MEI1: variants seen among roughly 807,000 people sequenced by gnomAD.
MEI1 encodes meiotic double-stranded break formation protein 1, also known as meiosis inhibitor protein 1.
A neutral mutation model predicts 146.2 loss-of-function variants in MEI1; 103 were observed. That is an observed-to-expected ratio of 0.70 (90% CI 0.60 to 0.83). The LOEUF (loss-of-function observed/expected upper bound fraction) is 0.83, where lower values mean the gene tolerates loss of function less well. MEI1 is among the 40% of genes least tolerant of loss of function. The pLI is 0.00. For synonymous variants in MEI1, 652 were observed against 628.2 expected (o/e 1.04, Z -0.57); for missense variants, 1,529 against 1,533.0 (o/e 1.00, Z 0.04).
intron 3 of MEI1, among the ~76,000 whole-genome samples, chr22:41,708,334 G>A (rs145740470): frequency 6.6e-6 from 1 of 151,656 alleles, no homozygotes; most frequent in Non-Finnish European, 1.5e-5. Context: ...TGCCTTCAAC[G>A]AGGGTCTCAA....
chr22:41,763,068 ATT>A (rs2074603368), intron 18 of MEI1, 104 bp from the exon 19 acceptor site: 1 of 1,259,322 alleles, frequency 7.9e-7, no homozygotes, highest in Non-Finnish European at 1.1e-6. Flanking sequence ...CTGTGGGCAT[ATT>A]GGGGCAGGAC....
chr22:41,721,881 C>G (rs572150947), intron 6 of MEI1, among the ~76,000 whole-genome samples: 8 of 150,374 alleles, frequency 5.3e-5, no homozygotes, highest in African/African-American at 2.0e-4. Flanking sequence ...CTACCATGCC[C>G]GACTAATTTT....
chr22:41,769,593 C>T (rs1049785629), intron 19 of MEI1, among the ~76,000 whole-genome samples: 4 of 151,914 alleles, frequency 2.6e-5, no homozygotes, highest in Non-Finnish European at 4.4e-5. Context: ...CTGCCTCAGC[C>T]TCCCAAGTAG....
chr22:41,734,293 C>T (rs1300123370), intron 11 of MEI1, among the ~76,000 whole-genome samples: 1 of 151,360 alleles, frequency 6.6e-6, no homozygotes, highest in African/African-American at 2.4e-5. Flanking sequence ...GACGACTATG[C>T]AATGTCAATG....
At chr22:41,718,331 G>T in intron 6 of MEI1, 57 bp downstream of exon 6, 1 of 1,542,818 alleles carries the variant, frequency 6.5e-7, no homozygotes, top group South Asian at 1.2e-5. Flanking sequence ...TTTGCTAGAA[G>T]ACTTGAGATA....
chr22:41,740,089 G>A lies in MEI1; in HGVS notation c.1332-2991G>A, dbSNP rs117552256. Among the ~76,000 whole-genome samples the A allele has an allele frequency of 1.2e-3, 187 of 151,924 alleles. 3 individuals carry two copies. The East Asian group carries it at 0.032, about 26-fold the overall frequency. ...GGCTGGAGTTCAGTGGCTCGATCTCGGTTCACCACAACCTCCACCTCCCAG... is the reference window on the plus strand; with the variant it reads ...GGCTGGAGTTCAGTGGCTCGATCTCAGTTCACCACAACCTCCACCTCCCAG... On this transcript the variant is annotated intron_variant, in intron 11 of 30. Transcript: ENST00000401548.
In MEI1 at chr22:41,703,395, T is replaced by A; in HGVS notation, c.239T>A (p.Val80Asp). 1.2e-6 allele frequency: 2 copies of A among 1,610,618 alleles called. No individual in the cohort carries two copies. The highest frequency in any genetic ancestry group is 1.7e-6 in the Non-Finnish European group (2 of 1,178,398). The change falls in exon 2 of 31, where the codon GTC becomes GAC. Residue 80 changes from valine to aspartate, a missense_variant. Val to Asp is a radical substitution (Grantham distance 152). Coordinates refer to ENST00000401548, the MANE Select transcript of MEI1 (RefSeq NM_152513.4). ...GCCCTTGTGAGGCATACCTCCCTGG[T>A]CACGCAACTGGTGTCTCAGGATCAG... is the stretch of plus-strand genomic sequence containing the variant. Reference protein sequence around the residue: ...QDALVRHTSLVTQLVSQDQRV... With the variant: ...QDALVRHTSLDTQLVSQDQRV...
chr22:41,779,313 C>T (rs566163688), intron 22 of MEI1, among the ~76,000 whole-genome samples: 27 of 152,102 alleles, frequency 1.8e-4, no homozygotes, highest in Non-Finnish European at 3.4e-4. Context: ...AGCTGTGTGT[C>T]GTGATGCAGA....
chr22:41,758,619 G>A lies in MEI1; in HGVS notation c.2120+86G>A, dbSNP rs960156641. 37 of 1,377,998 alleles carry A rather than the reference G, an allele frequency of 2.7e-5. No individual in the cohort carries two copies. The African/African-American group carries it at 4.9e-4, about 18-fold the overall frequency. 85.4% of individuals were successfully genotyped at this position (1,377,998 alleles called of 1,614,324 possible). On this transcript the variant is annotated intron_variant, in intron 18 of 30. Coordinates refer to ENST00000401548, the MANE Select transcript of MEI1 (RefSeq NM_152513.4). ...TCAATAAATAAGGGCATCTCTCCAA[G>A]CCTGATGCTGGGCACTGGGGACACG...
chr22:41,706,344 C>T (rs975105010), intron 3 of MEI1, among the ~76,000 whole-genome samples: 4 of 152,128 alleles, frequency 2.6e-5, no homozygotes, highest in African/African-American at 9.7e-5. Context: ...GGTATTTACT[C>T]TGTGCTAGAT....
At chr22:41,780,873 C>T (rs1418033184) in intron 22 of MEI1, among the ~76,000 whole-genome samples, 1 of 152,234 alleles carries the variant, frequency 6.6e-6, no homozygotes, top group African/African-American at 2.4e-5. Context: ...GCGTAAGCCA[C>T]TGCGGAGGCC....
chr22:41,798,954 A>G (rs2076477442), intron 30 of MEI1, among the ~76,000 whole-genome samples: 1 of 151,604 alleles, frequency 6.6e-6, no homozygotes, highest in Non-Finnish European at 1.5e-5. Context: ...TTGCACCCAG[A>G]GACACTGCAG....
chr22:41,798,693 C>A (rs1467017149), intron 30 of MEI1, among the ~76,000 whole-genome samples: 5 of 151,920 alleles, frequency 3.3e-5, no homozygotes, highest in Non-Finnish European at 7.4e-5. Context: ...CATGGTAAAA[C>A]CCCATCTCTA....
At position 41,718,288 on chromosome 22, in the gene MEI1, C is replaced by T; in HGVS notation, c.733+14C>T. On this transcript the variant is annotated intron_variant, in intron 6 of 30. Coordinates refer to ENST00000401548, the MANE Select transcript of MEI1 (RefSeq NM_152513.4). ...TTAACTGCTTGGGTAAGACATGAGG[C>T]TGGAGAAAAAAGGGAGAATAAGTTT... The T allele has an allele frequency of 6.2e-7, 1 of 1,609,924 alleles. No homozygotes were observed. Among genetic ancestry groups the T allele is most frequent in the Non-Finnish European group, 8.5e-7 (1 of 1,178,152 alleles).
intron 5 of MEI1, among the ~76,000 whole-genome samples, chr22:41,716,872 G>A (rs573732257): frequency 6.6e-6 from 1 of 151,198 alleles, no homozygotes; most frequent in South Asian, 2.1e-4. Context: ...TGTATTTTTA[G>A]TAGAGACGGA....
At chr22:41,788,085 C>T (rs2076053500) in intron 26 of MEI1, among the ~76,000 whole-genome samples, 1 of 152,146 alleles carries the variant, frequency 6.6e-6, no homozygotes, top group African/African-American at 2.4e-5. Context: ...GGCTGGAGTG[C>T]AGTGGTGCAA....
chr22:41,717,679 G>C (rs1463037233), intron 5 of MEI1, among the ~76,000 whole-genome samples: 1 of 147,638 alleles, frequency 6.8e-6, no homozygotes, highest in Admixed American at 6.8e-5. Flanking sequence ...GTGGTGGCAT[G>C]ATCTCGGCTC....
chr22:41,703,682 A>C (rs569902898), intron 2 of MEI1, among the ~76,000 whole-genome samples: 2 of 152,292 alleles, frequency 1.3e-5, no homozygotes, highest in South Asian at 2.1e-4. Flanking sequence ...AAAAGTAAGA[A>C]GATGAAAATG....
rs758622213 is a variant in MEI1, at chr22:41,770,919, C to G, written c.2502C>G (p.Phe834Leu). 9 of 1,614,038 alleles carry G rather than the reference C, an allele frequency of 5.6e-6. No homozygotes were observed. Among genetic ancestry groups the G allele is most frequent in the Non-Finnish European group, 6.8e-6 (8 of 1,179,894 alleles). ...PALPASLVVL[F>L]QLLRSIPSIL... is the part of the protein sequence containing the mutation. ...TTCCTGCCAGCTTAGTAGTCCTGTT[C>G]CAGTTGCTCAGAAGCATCCCCAGCA... Residue 834 changes from phenylalanine to leucine, a missense_variant, in exon 20 of 31, where the codon TTC (phenylalanine) becomes TTG (leucine). Coordinates refer to ENST00000401548, the MANE Select transcript of MEI1 (RefSeq NM_152513.4).
Sources: gnomAD v4.1 joint callset for allele counts (sites outside exome capture counted in the v4.1 genomes callset) on GRCh38, gnomAD v4.1.1 for gene constraint, MANE v1.5 for transcripts, NCBI Gene and HGNC (gene_info 2026-07-23, HGNC 2026-07-21) for gene names.